GNMT: variants seen among roughly 807,000 people sequenced by gnomAD.
GNMT encodes epididymis secretory sperm binding protein Li 182mP.
Under a neutral mutation model 30.2 loss-of-function variants are expected in GNMT, and 26 were observed. The ratio of observed to expected loss-of-function variants is 0.86; its 90% CI spans 0.63 to 1.19. The LOEUF (loss-of-function observed/expected upper bound fraction) is 1.19. Among genes scored for constraint, GNMT ranks in the 50% most tolerant of loss-of-function variants. The pLI, the probability that GNMT is intolerant of heterozygous loss-of-function variation, is 0.00. For missense variants in GNMT, 365 were observed against 398.1 expected, an observed-to-expected ratio of 0.92 and a Z score of 0.71; for synonymous variants, 163 against 163.8, an observed-to-expected ratio of 1.00 and a Z score of 0.04.
In GNMT at chr6:42,963,187, A is replaced by T; in HGVS notation, c.567A>T (p.Ala189=). 6.8e-7 allele frequency: 1 copy of T among 1,470,122 alleles called. No individual in the cohort carries two copies. Among genetic ancestry groups the T allele is most frequent in the Admixed American group, 1.9e-5 (1 of 51,704 alleles). 91.1% of individuals were successfully genotyped at this position (1,470,122 alleles called of 1,614,324 possible). A position where few individuals can be genotyped will look rare whatever the true frequency, so the allele number is the denominator to read the frequency against. The change falls in exon 4 of 6, where the codon GCA becomes GCT. Residue 189 remains alanine, a synonymous_variant. Coordinates refer to ENST00000372808, the MANE Select transcript of GNMT (RefSeq NM_018960.6). ...NYDHILSTGC[A]PPGKNIYYKS... ...ACCACATCCTCAGTACAGGCTGTGC[A>T]CCCCCAGGGAAGAACATCTACTATA...
In GNMT at chr6:42,962,794, A is replaced by G. The variant is rs751256417; in HGVS notation, c.367A>G (p.Lys123Glu). The G allele has an allele frequency of 6.2e-7, 1 of 1,614,144 alleles. No individual in the cohort carries two copies. The highest frequency in any genetic ancestry group is 8.5e-7 in the Non-Finnish European group (1 of 1,179,960). ...IEEANWMTLD[K>E]DVPQSAEGGF... is the part of the protein sequence containing the mutation. ...AGAAGCCAACTGGATGACTCTGGAC[A>G]AAGATGTGCCCCAGTCAGCAGAGGG... The change falls in exon 3 of 6, where the codon AAA (lysine) becomes GAA (glutamate). Residue 123 changes from lysine to glutamate, a missense_variant. Around this residue, in one of 3 missense-constraint regions of GNMT, gnomAD observed 232 missense variants for 263.0 expected, o/e 0.88. Transcript: ENST00000372808.
rs1769563250 is a variant in GNMT, at chr6:42,963,606, G to GT, written c.789dup (p.Lys264Ter). ...GAGCTGCTCCAAGCAGCCTTCGGAG[G>GT]TAAGTGCCAGCACAGCGTCCTGGGC... On this transcript the variant is annotated frameshift_variant, in exon 6 of 6. Transcript: ENST00000372808. LOFTEE classifies it high-confidence loss of function. 6.2e-7 allele frequency: 1 copy of GT among 1,614,210 alleles called. No homozygotes were observed. The highest frequency in any genetic ancestry group is 8.5e-7 in the Non-Finnish European group (1 of 1,180,020).
At position 42,960,791 on chromosome 6, in the gene GNMT, C is replaced by T; in HGVS notation, c.24C>T (p.Thr8=). MVDSVYR[T]RSLGVAAEGL... is the part of the protein sequence containing the mutation. Reference sequence around the variant, plus strand: ...GGATGGTGGACAGCGTGTACCGGACCCGCTCCCTGGGGGTGGCGGCCGAAG... The same window carrying T: ...GGATGGTGGACAGCGTGTACCGGACTCGCTCCCTGGGGGTGGCGGCCGAAG... The change falls in exon 1 of 6, where the codon ACC becomes ACT. Residue 8 remains threonine, a synonymous_variant. Coordinates refer to ENST00000372808, the MANE Select transcript of GNMT (RefSeq NM_018960.6). 1.3e-6 allele frequency: 2 copies of T among 1,549,788 alleles called. No individual in the cohort carries two copies. Among genetic ancestry groups the T allele is most frequent in the Non-Finnish European group, 8.7e-7 (1 of 1,148,682 alleles).
At position 42,960,859 on chromosome 6, in the gene GNMT, G is replaced by T; in HGVS notation, c.92G>T (p.Trp31Leu). Residue 31 changes from tryptophan to leucine, a missense_variant, in exon 1 of 6, where the codon TGG becomes TTG. This residue lies in a region of GNMT where 125 missense variants were observed against 112.0 expected (regional missense o/e 1.12). Coordinates refer to ENST00000372808, the MANE Select transcript of GNMT (RefSeq NM_018960.6). ...GCGGACGGGGAGGCGGCGCGCGTGT[G>T]GCAGCTGTATATCGGAGACACCCGC... The part of the protein sequence containing the change: ...QYADGEAARV[W>L]QLYIGDTRSR... The T allele has an allele frequency of 6.4e-7, 1 of 1,555,902 alleles. No homozygotes were observed.
Position 42,960,954 on chromosome 6 carries a change from G to A in GNMT, c.187G>A (p.Asp63Asn). 1 of 1,561,446 alleles carries A rather than the reference G, an allele frequency of 6.4e-7. No homozygotes were observed. Among genetic ancestry groups the A allele is most frequent in the Non-Finnish European group, 8.6e-7 (1 of 1,159,600 alleles). ...CCAGCACGGCTGCCAGCGGGTGCTCGACGTAGCCTGTGGCACTGGGTGAGC... is the reference window on the plus strand; with the variant it reads ...CCAGCACGGCTGCCAGCGGGTGCTCAACGTAGCCTGTGGCACTGGGTGAGC... ...LRQHGCQRVL[D>N]VACGTGVDSI... is the part of the protein sequence containing the mutation. Residue 63 changes from aspartate to asparagine, a missense_variant, in exon 1 of 6, where the codon GAC becomes AAC. Transcript: ENST00000372808.
In GNMT at chr6:42,963,226, T is replaced by TGGGGTGGGGGTGGGGGTG. The variant is rs745443121; in HGVS notation, c.594+28_594+45dup. 9.2e-6 allele frequency: 4 copies of TGGGGTGGGGGTGGGGGTG among 435,556 alleles called. No homozygotes were observed. In the Admixed American group the frequency reaches 1.7e-4, roughly 18 times the overall value. The allele number at this position is 435,556 out of a possible 1,614,324, so 27.0% of individuals were successfully genotyped here. On this transcript the variant is annotated intron_variant, in intron 4 of 5. Transcript: ENST00000372808. ...ACATCTACTATAAGGTGGGGCCCTC[T>TGGGGTGGGGGTGGGGGTG]GGGGTGGGGGTGGGGGTGGGGGTGG...
At chr6:42,961,571 T>C (rs892308557) in intron 1 of GNMT, among the ~76,000 whole-genome samples, 1 of 114,974 alleles carries the variant, frequency 8.7e-6, no homozygotes, top group East Asian at 2.1e-4. Context: ...TTTTTTTTTT[T>C]GAGATGAAGT....
rs1164984219 is a variant in GNMT, at chr6:42,962,943, ACCTGCTCTCCTG to A, written c.451+68_451+79del. 1.3e-5 allele frequency: 20 copies of A among 1,570,248 alleles called. No homozygotes were observed. In the African/African-American group the frequency reaches 2.3e-4, roughly 18 times the overall value. ...AGGCCCCCTTCCACAGACATCTGGCACCTGCTCTCCTGCCAAAGCAGACTCTCTGCCTTGGCT... is the reference window on the plus strand; with the variant it reads ...AGGCCCCCTTCCACAGACATCTGGCACCAAAGCAGACTCTCTGCCTTGGCT... On this transcript the variant is annotated intron_variant, in intron 3 of 5. Transcript: ENST00000372808.
intron 1 of GNMT, 121 bp downstream of exon 1, chr6:42,961,094 G>A: frequency 2.4e-6 from 2 of 836,170 alleles, no homozygotes; most frequent in South Asian, 1.9e-5. Context: ...TCCTGGAACG[G>A]GTGGGACACC....
chr6:42,962,084 T>C (rs961688282), intron 1 of GNMT, 128 bp from the exon 2 acceptor site: 35 of 1,077,344 alleles, frequency 3.2e-5, no homozygotes, highest in Non-Finnish European at 4.6e-5. Context: ...GGAGAGGGCC[T>C]GGGGAGAGGA....
In GNMT at chr6:42,962,823, C is replaced by T. The variant is rs1256047209; in HGVS notation, c.396C>T (p.Gly132=). 1 of 1,614,072 alleles carries T rather than the reference C, an allele frequency of 6.2e-7. No individual in the cohort carries two copies. Among genetic ancestry groups the T allele is most frequent in the Non-Finnish European group, 8.5e-7 (1 of 1,180,018 alleles). ...ATGTGCCCCAGTCAGCAGAGGGTGG[C>T]TTTGATGCTGTCATCTGCCTTGGAA... ...DKDVPQSAEG[G]FDAVICLGNS... The change falls in exon 3 of 6, where the codon GGC becomes GGT. Residue 132 remains glycine, a synonymous_variant. Transcript: ENST00000372808.
At chr6:42,962,636 C>A (rs1769468798) in intron 2 of GNMT, 126 bp from the exon 3 acceptor site, 10 of 822,438 alleles carry the variant, frequency 1.2e-5, no homozygotes, top group South Asian at 1.2e-4. Flanking sequence ...CTTTTCTCCT[C>A]CCCCTAACTG....
chr6:42,961,004 A>C (rs1278561265), intron 1 of GNMT, 31 bp downstream of exon 1: 1 of 1,509,478 alleles, frequency 6.6e-7, no homozygotes, highest in Non-Finnish European at 8.9e-7. Context: ...GGGGCGTTGC[A>C]TGAGATCGGG....
Position 42,963,520 on chromosome 6 carries a change from G to A in GNMT, c.717-15G>A. 6.2e-7 allele frequency: 1 copy of A among 1,613,850 alleles called. No homozygotes were observed. The highest frequency in any genetic ancestry group is 8.5e-7 in the Non-Finnish European group (1 of 1,179,828). ...AGGTCACCAGTCCTCATGGTTGCTG[G>A]GGCCTCTGTTACAGTAAGTTCCGGC... On this transcript the variant is annotated splice_polypyrimidine_tract_variant and intron_variant, in intron 5 of 5. Coordinates refer to ENST00000372808, the MANE Select transcript of GNMT (RefSeq NM_018960.6).
Position 42,963,343 on chromosome 6 carries a change from G to A in GNMT, c.610G>A (p.Asp204Asn). ...NIYYKSDLTKDVTTSVLIVNN... is the reference protein window; with the variant it reads ...NIYYKSDLTKNVTTSVLIVNN... ...CCACCTACAGAGTGACTTGACCAAG[G>A]ACGTCACAACATCAGTGCTGATAGT... The change falls in exon 5 of 6, where the codon GAC (aspartate) becomes AAC (asparagine). Residue 204 changes from aspartate to asparagine, a missense_variant. This residue lies in a region of GNMT where 232 missense variants were observed against 263.0 expected (regional missense o/e 0.88). Coordinates refer to ENST00000372808, the MANE Select transcript of GNMT (RefSeq NM_018960.6). 1 of 1,611,866 alleles carries A rather than the reference G, an allele frequency of 6.2e-7. No individual in the cohort carries two copies. Among genetic ancestry groups the A allele is most frequent in the Non-Finnish European group, 8.5e-7 (1 of 1,179,014 alleles).
intron 1 of GNMT, 61 bp downstream of exon 1, chr6:42,961,034 G>A: frequency 7.4e-7 from 1 of 1,360,090 alleles, no homozygotes; most frequent in Non-Finnish European, 9.9e-7. Flanking sequence ...AGCCTGTACT[G>A]CGCGGCCGCA....
In GNMT at chr6:42,962,849, A is replaced by G. The variant is rs864321678; in HGVS notation, c.422A>G (p.Asn141Ser). The change falls in exon 3 of 6, where the codon AAC (asparagine) becomes AGC (serine). Residue 141 changes from asparagine (N) to serine (S), a missense_variant. Asn to Ser is a conservative substitution (Grantham distance 46). Around this residue, in one of 3 missense-constraint regions of GNMT, gnomAD observed 232 missense variants for 263.0 expected, o/e 0.88. Coordinates refer to ENST00000372808, the MANE Select transcript of GNMT (RefSeq NM_018960.6). The stretch of plus-strand genomic sequence containing the variant: ...TTTGATGCTGTCATCTGCCTTGGAA[A>G]CAGTTTCGCTCACTTGCCAGACTGC... Reference protein sequence around the residue: ...GGFDAVICLGNSFAHLPDCKG... With the variant: ...GGFDAVICLGSSFAHLPDCKG... 3 of 1,614,010 alleles carry G rather than the reference A, an allele frequency of 1.9e-6. No individual in the cohort carries two copies. Among genetic ancestry groups the G allele is most frequent in the Non-Finnish European group, 2.5e-6 (3 of 1,179,920 alleles).
chr6:42,960,844 A>G lies in GNMT; in HGVS notation c.77A>G (p.Glu26Gly), dbSNP rs1581746015. Residue 26 changes from glutamate to glycine, a missense_variant, in exon 1 of 6, where the codon GAG becomes GGG. Glu to Gly is a moderately conservative substitution (Grantham distance 98, BLOSUM62 -2). This residue lies in a region of GNMT where 125 missense variants were observed against 112.0 expected (regional missense o/e 1.12). Transcript: ENST00000372808. ...EGLPDQYADG[E>G]AARVWQLYIG... The stretch of plus-strand genomic sequence containing the variant: ...CTCCCGGACCAGTACGCGGACGGGG[A>G]GGCGGCGCGCGTGTGGCAGCTGTAT... The G allele has an allele frequency of 6.4e-7, 1 of 1,556,378 alleles. No homozygotes were observed. The highest frequency in any genetic ancestry group is 8.7e-7 in the Non-Finnish European group (1 of 1,153,354).
intron 1 of GNMT, 71 bp downstream of exon 1, chr6:42,961,044 A>C: frequency 7.8e-7 from 1 of 1,289,166 alleles, no homozygotes; most frequent in South Asian, 1.4e-5. Context: ...GCGCGGCCGC[A>C]GAACCACAGG....
Sources: gnomAD v4.1 joint callset for allele counts (sites outside exome capture counted in the v4.1 genomes callset) on GRCh38, gnomAD v4.1.1 for gene constraint, gnomAD v4.1.1 regional missense constraint, MANE v1.5 for transcripts, NCBI Gene and HGNC (gene_info 2026-07-23, HGNC 2026-07-21) for gene names.